Variants in DLG2 observed in about 807,000 individuals in gnomAD.
DLG2 encodes discs large MAGUK scaffold protein 2, also known as disks large homolog 2.
DLG2 carries 45 observed loss-of-function variants against 132.5 expected under a neutral mutation model. That is an observed-to-expected ratio of 0.34 (90% CI 0.27 to 0.44). The LOEUF is 0.44. Ranked by LOEUF, DLG2 falls within the 20% of genes least tolerant of loss-of-function variation. The pLI, the probability that DLG2 is intolerant of heterozygous loss-of-function variation, is 1.00. For missense variants in DLG2, 1,045 were observed against 1,196.9 expected (o/e 0.87, Z 1.87); for synonymous variants, 424 against 419.6 (o/e 1.01, Z -0.13).
intron 15 of DLG2, among the ~76,000 whole-genome samples, chr11:83,904,865 GC>G (rs2074336070): frequency 6.6e-6 from 1 of 152,040 alleles, no homozygotes; most frequent in South Asian, 2.1e-4. Context: ...TGCTGAAAAT[GC>G]TTTTATTCTG....
rs528395286 is a variant in DLG2 at position 83,833,451 on chromosome 11, A to G, written c.1722+163T>C. Among the ~76,000 whole-genome samples, 7 of 152,322 alleles carry G rather than the reference A, an allele frequency of 4.6e-5. No homozygotes were observed. The South Asian group carries it at 1.2e-3, about 27-fold the overall frequency. The stretch of plus-strand genomic sequence containing the variant: ...AGCGAGATTCTGTCTCAAAGGAAAC[A>G]AAAACAAAAACAAACAAAATTGTGA... On this transcript the variant is annotated intron_variant, in intron 17 of 27. Transcript: ENST00000376104.
Position 84,394,930 on chromosome 11 carries a change from C to T in DLG2, c.519+139640G>A, listed in dbSNP as rs549332159. ...TCACAGCACCTAGCCCTTCTCTTTTCAAATGTTGCCTCTGCCACATGCTGT... is the reference window on the plus strand; with the variant it reads ...TCACAGCACCTAGCCCTTCTCTTTTTAAATGTTGCCTCTGCCACATGCTGT... On this transcript the variant is annotated intron_variant, in intron 7 of 27. Transcript: ENST00000376104. Among the ~76,000 whole-genome samples the T allele has an allele frequency of 1.9e-4, 29 of 152,228 alleles. 1 individual carries two copies. In the South Asian group the frequency reaches 5.8e-3, roughly 30 times the overall value.
intron 7 of DLG2, among the ~76,000 whole-genome samples, chr11:84,268,549 C>T (rs2097676705): frequency 6.6e-6 from 1 of 151,030 alleles, no homozygotes; most frequent in Non-Finnish European, 1.5e-5. Context: ...GCAAGCTCCA[C>T]CTCCCAGGTT....
At chr11:84,912,299 G>A (rs999255026) in intron 6 of DLG2, among the ~76,000 whole-genome samples, 1 of 152,118 alleles carries the variant, frequency 6.6e-6, no homozygotes, top group Non-Finnish European at 1.5e-5. Flanking sequence ...GAGCCTACAG[G>A]CACCCGCCAC....
chr11:84,491,244 A>G (rs1305252886), intron 7 of DLG2, among the ~76,000 whole-genome samples: 2 of 152,026 alleles, frequency 1.3e-5, no homozygotes. Flanking sequence ...TAAGTGAATC[A>G]GGGGCAGGTC....
chr11:83,553,548 T>G (rs1292850157), intron 19 of DLG2, among the ~76,000 whole-genome samples: 2 of 150,276 alleles, frequency 1.3e-5, no homozygotes, highest in Non-Finnish European at 3.0e-5. Flanking sequence ...GCTGCTGTTG[T>G]GCTATTACAT....
intron 6 of DLG2, among the ~76,000 whole-genome samples, chr11:84,671,641 C>A (rs11234122): frequency 6.6e-6 from 1 of 152,028 alleles, no homozygotes; most frequent in Non-Finnish European, 1.5e-5. Flanking sequence ...GAAAAAGAGA[C>A]AAAATAAAAA....
chr11:84,085,353 G>A (rs964612751), intron 10 of DLG2, among the ~76,000 whole-genome samples: 4 of 152,152 alleles, frequency 2.6e-5, no homozygotes, highest in African/African-American at 9.7e-5. Context: ...ATGACAACAT[G>A]TGTCTGGAGA....
intron 6 of DLG2, among the ~76,000 whole-genome samples, chr11:84,841,413 A>G (rs904892115): frequency 6.6e-6 from 1 of 152,042 alleles, no homozygotes; most frequent in Admixed American, 6.6e-5. Flanking sequence ...TGCTTGCAAT[A>G]TTGGATAATT....
At chr11:83,498,441 T>C (rs924921948) in intron 21 of DLG2, among the ~76,000 whole-genome samples, 36 of 151,898 alleles carry the variant, frequency 2.4e-4, no homozygotes, top group African/African-American at 8.7e-4. Flanking sequence ...TAAGCAACAC[T>C]CTCCTAACTA....
intron 12 of DLG2, among the ~76,000 whole-genome samples, chr11:83,978,281 C>A (rs187361026): frequency 6.6e-6 from 1 of 151,684 alleles, no homozygotes; most frequent in East Asian, 1.9e-4. Flanking sequence ...TGAAGAAATA[C>A]CAGAAGAGCT....
At chr11:84,095,269 C>A (rs2097149981) in intron 10 of DLG2, among the ~76,000 whole-genome samples, 1 of 152,126 alleles carries the variant, frequency 6.6e-6, no homozygotes, top group Non-Finnish European at 1.5e-5. Context: ...ATTTATTGAG[C>A]ACCAATTATG....
At chr11:85,266,605 T>C (rs1364626588) in intron 4 of DLG2, among the ~76,000 whole-genome samples, 1 of 149,900 alleles carries the variant, frequency 6.7e-6, no homozygotes, top group Non-Finnish European at 1.5e-5. Flanking sequence ...ACTTAAAGTA[T>C]AATTTAAAAA....
At chr11:83,590,279 T>C (rs2097165153) in intron 19 of DLG2, among the ~76,000 whole-genome samples, 1 of 152,074 alleles carries the variant, frequency 6.6e-6, no homozygotes, top group Non-Finnish European at 1.5e-5. Context: ...ACAGAAATTA[T>C]AACAAACAGT....
At chr11:84,248,230 A>G (rs766427232) in intron 8 of DLG2, among the ~76,000 whole-genome samples, 10 of 152,162 alleles carry the variant, frequency 6.6e-5, no homozygotes, top group Admixed American at 4.6e-4. Context: ...TTTTCAATAC[A>G]TAATGTATTC....
chr11:83,877,244 G>A (rs1238983512), intron 15 of DLG2, among the ~76,000 whole-genome samples: 1 of 152,062 alleles, frequency 6.6e-6, no homozygotes, highest in Non-Finnish European at 1.5e-5. Context: ...GATTTGTAAT[G>A]AGCATTTCTT....
intron 10 of DLG2, among the ~76,000 whole-genome samples, chr11:84,069,760 A>G (rs1428678616): frequency 2.6e-5 from 4 of 152,242 alleles, no homozygotes; most frequent in Non-Finnish European, 4.4e-5. Context: ...TTTCAGCATC[A>G]GTGATTGGTC....
chr11:85,533,437 T>C (rs2075355529), intron 3 of DLG2, among the ~76,000 whole-genome samples: 1 of 146,392 alleles, frequency 6.8e-6, no homozygotes, highest in Admixed American at 7.0e-5. Context: ...ATATATGAAA[T>C]ACATATATAT....
intron 5 of DLG2, among the ~76,000 whole-genome samples, chr11:85,144,894 G>A (rs182819009): frequency 1.4e-4 from 22 of 152,150 alleles, no homozygotes; most frequent in African/African-American, 5.3e-4. Context: ...GTATTTGGCT[G>A]TGTATTTGCT....
Sources: gnomAD v4.1 joint callset for allele counts (sites outside exome capture counted in the v4.1 genomes callset) on GRCh38, gnomAD v4.1.1 for gene constraint, MANE v1.5 for transcripts, NCBI Gene and HGNC (gene_info 2026-07-23, HGNC 2026-07-21) for gene names.